The following PCDHA6 variants were observed in gnomAD, a reference collection of about 807,000 sequenced individuals.
PCDHA6 encodes the protein protocadherin alpha 6, also known as protocadherin alpha-6.
PCDHA6 carries 55 observed loss-of-function variants against 60.3 expected under a neutral mutation model. That is an observed-to-expected ratio of 0.91 (90% CI 0.73 to 1.14). The LOEUF is 1.14. PCDHA6 is among the 50% of genes most tolerant of loss of function. The pLI is 0.00. For missense variants in PCDHA6, 1,327 were observed against 1,256.5 expected (o/e 1.06, Z -0.85); for synonymous variants, 652 against 557.9 (o/e 1.17, Z -2.38).
chr5:140,856,141 C>T (rs782290263), intron 1 of PCDHA6: 3 of 1,598,260 alleles, frequency 1.9e-6, no homozygotes, highest in Middle Eastern at 1.7e-4. Context: ...GCCAGCTCCA[C>T]TACTCAGTCT....
chr5:140,882,628 G>A (rs1554174947), intron 1 of PCDHA6: 9 of 1,614,252 alleles, frequency 5.6e-6, no homozygotes, highest in Non-Finnish European at 7.6e-6. Flanking sequence ...TCCATGTGGA[G>A]GTGAAGGTGA....
intron 1 of PCDHA6, among the ~76,000 whole-genome samples, chr5:140,943,121 G>A (rs1225385839): frequency 3.3e-5 from 5 of 151,916 alleles, no homozygotes; most frequent in African/African-American, 4.8e-5. Flanking sequence ...AGCCAGGTGT[G>A]GTAGTGGGTG....
intron 1 of PCDHA6, chr5:140,835,853 G>C (rs2150246654): frequency 1.2e-6 from 2 of 1,612,274 alleles, no homozygotes; most frequent in South Asian, 2.2e-5. Flanking sequence ...ACGCGCTGGT[G>C]TCCTACTCGC....
chr5:140,859,016 T>C (rs926930282), intron 1 of PCDHA6: 1 of 151,606 alleles, frequency 6.6e-6, no homozygotes, highest in African/African-American at 2.4e-5. Context: ...TCTTAGCAAT[T>C]AAGTTAAATG....
intron 1 of PCDHA6, chr5:140,834,636 T>A: frequency 1.9e-6 from 3 of 1,614,182 alleles, no homozygotes; most frequent in Non-Finnish European, 2.5e-6. Context: ...TGGCATTTTG[T>A]TTGTGAATTC....
intron 1 of PCDHA6, chr5:140,850,555 C>A (rs1562471328): frequency 6.3e-7 from 1 of 1,598,250 alleles, no homozygotes; most frequent in Non-Finnish European, 8.6e-7. Flanking sequence ...GTGGGTGCCA[C>A]GGGCCCCGAG....
At chr5:140,898,972 C>G (rs1180112967) in intron 1 of PCDHA6, among the ~76,000 whole-genome samples, 2 of 151,980 alleles carry the variant, frequency 1.3e-5, no homozygotes, top group African/African-American at 4.8e-5. Flanking sequence ...GGAGTTCACT[C>G]ATGATTTGGC....
intron 1 of PCDHA6, among the ~76,000 whole-genome samples, chr5:140,974,766 G>A (rs2096639663): frequency 6.6e-6 from 1 of 152,158 alleles, no homozygotes; most frequent in Non-Finnish European, 1.5e-5. Flanking sequence ...GGGATTACAG[G>A]TATGAGCCAC....
intron 1 of PCDHA6, chr5:140,968,772 C>T (rs782257554): frequency 1.2e-6 from 2 of 1,614,180 alleles, no homozygotes; most frequent in South Asian, 1.1e-5. Context: ...GGAGAGCCAT[C>T]ACTATCAGCC....
chr5:140,840,466 GA>G (rs1437406767), intron 1 of PCDHA6, among the ~76,000 whole-genome samples: 3 of 151,870 alleles, frequency 2.0e-5, no homozygotes, highest in Non-Finnish European at 2.9e-5. Context: ...AAAAGTTGGG[GA>G]AAAAAGTTTA....
At chr5:140,901,909 C>T (rs2068974930) in intron 1 of PCDHA6, among the ~76,000 whole-genome samples, 1 of 151,454 alleles carries the variant, frequency 6.6e-6, no homozygotes, top group African/African-American at 2.4e-5. Context: ...TTGTGGAGAT[C>T]TTTCACTTCT....
At chr5:140,984,405 C>T (rs782109046) in intron 3 of PCDHA6, among the ~76,000 whole-genome samples, 1 of 152,114 alleles carries the variant, frequency 6.6e-6, no homozygotes, top group Non-Finnish European at 1.5e-5. Context: ...GAGAACCTAT[C>T]TTTTTTACAG....
intron 1 of PCDHA6, chr5:140,848,371 A>T: frequency 8.8e-7 from 1 of 1,131,148 alleles, no homozygotes; most frequent in Non-Finnish European, 1.3e-6. Context: ...AAAGAGGCTC[A>T]ATTCTTTTTC....
chr5:140,863,231 C>G (rs189351986), intron 1 of PCDHA6: 1 of 1,227,526 alleles, frequency 8.1e-7, no homozygotes, highest in Non-Finnish European at 1.2e-6. Flanking sequence ...AAGGTCCCAT[C>G]GCGGGCTTTG....
intron 1 of PCDHA6, among the ~76,000 whole-genome samples, chr5:140,959,609 T>A (rs2095500700): frequency 6.6e-6 from 1 of 152,184 alleles, no homozygotes; most frequent in South Asian, 2.1e-4. Flanking sequence ...ATGCTTTTCT[T>A]GCTTGTGATA....
intron 1 of PCDHA6, chr5:140,850,791 A>G: frequency 1.3e-6 from 2 of 1,598,378 alleles, no homozygotes; most frequent in African/African-American, 2.7e-5. Context: ...GGGTAAGCAG[A>G]AGACCGACCT....
chr5:140,829,943 G>C lies in PCDHA6; in HGVS notation c.1852G>C (p.Ala618Pro), dbSNP rs2150178279. Residue 618 changes from alanine to proline, a missense_variant, in exon 1 of 4, where the codon GCT (alanine) becomes CCT (proline). Transcript: ENST00000529310. Reference protein sequence around the residue: ...SYELQPPASSARFPFRVGLYT... With the variant: ...SYELQPPASSPRFPFRVGLYT... ...TGAGCTGCAGCCCCCGGCAAGCAGCGCTCGCTTCCCGTTTCGCGTGGGGCT... is the reference window on the plus strand; with the variant it reads ...TGAGCTGCAGCCCCCGGCAAGCAGCCCTCGCTTCCCGTTTCGCGTGGGGCT... 2 of 1,613,990 alleles carry C rather than the reference G, an allele frequency of 1.2e-6. No individual in the cohort carries two copies. Among genetic ancestry groups the C allele is most frequent in the East Asian group, 2.2e-5 (1 of 44,878 alleles).
intron 1 of PCDHA6, among the ~76,000 whole-genome samples, chr5:140,932,053 C>T (rs1358715698): frequency 6.6e-6 from 1 of 151,780 alleles, no homozygotes; most frequent in Non-Finnish European, 1.5e-5. Flanking sequence ...GCCTGTAATA[C>T]TAAAAATTAT....
In PCDHA6 at chr5:140,883,696, G is replaced by C. The variant is rs142212706; in HGVS notation, c.2394+53211G>C. On this transcript the variant is annotated intron_variant, in intron 1 of 3. Transcript: ENST00000529310. ...ATCCGCCGGGCTGCCACATCTTCAC[G>C]GTGTCTGCTCAGGACGCGGACGCAC... The C allele has an allele frequency of 1.7e-4, 276 of 1,613,818 alleles. 1 individual carries two copies. In the African/African-American group the frequency reaches 3.2e-3, roughly 19 times the overall value.
Sources: allele counts gnomAD v4.1 joint callset (sites outside exome capture counted in the v4.1 genomes callset), GRCh38; gene constraint gnomAD v4.1.1; transcripts MANE v1.5; gene names NCBI Gene and HGNC (gene_info 2026-07-23, HGNC 2026-07-21).